The following PALMD variants were observed in gnomAD, a reference collection of about 807,000 sequenced individuals.
The protein encoded by PALMD is palmdelphin.
PALMD carries 42 observed loss-of-function variants against 56.2 expected under a neutral mutation model. That is an observed-to-expected ratio of 0.75 (90% CI 0.58 to 0.97). The LOEUF (loss-of-function observed/expected upper bound fraction) is 0.97, where lower values mean the gene tolerates loss of function less well. PALMD is among the 50% of genes least tolerant of loss of function. The pLI is 0.00. For synonymous variants in PALMD, 242 were observed against 222.9 expected (o/e 1.09, Z -0.76); for missense variants, 660 against 643.8 (o/e 1.03, Z -0.27).
intron 3 of PALMD, 182 bp downstream of exon 3, chr1:99,667,948 G>A (rs746623013): frequency 4.8e-5 from 26 of 539,588 alleles, no homozygotes; most frequent in East Asian, 3.1e-4. Flanking sequence ...ACATGATCTC[G>A]GCTCACGGCA....
intron 3 of PALMD, among the ~76,000 whole-genome samples, chr1:99,673,795 A>G (rs1411480615): frequency 6.6e-6 from 1 of 152,208 alleles, no homozygotes; most frequent in Non-Finnish European, 1.5e-5. Flanking sequence ...AAACACACAC[A>G]TACAAGCCCC....
At chr1:99,679,511 G>T (rs1653291530) in intron 3 of PALMD, among the ~76,000 whole-genome samples, 1 of 152,128 alleles carries the variant, frequency 6.6e-6, no homozygotes, top group South Asian at 2.1e-4. Flanking sequence ...AACCCACTGA[G>T]CAGAAAAATC....
chr1:99,687,094 A>G lies in PALMD; in HGVS notation c.419A>G (p.Tyr140Cys), dbSNP rs755257397. ...ERAEESIEDI[Y>C]ANIPDLPKSY... ...TTTACAGAGTCAATTGAGGACATCT[A>G]TGCTAATATCCCTGACCTTCCAAAG... is the stretch of plus-strand genomic sequence containing the variant. Residue 140 changes from tyrosine to cysteine, a missense_variant, in exon 6 of 8, where the codon TAT (tyrosine) becomes TGT (cysteine). Transcript: ENST00000263174. 1.9e-6 allele frequency: 3 copies of G among 1,597,524 alleles called. No individual in the cohort carries two copies. Among genetic ancestry groups the G allele is most frequent in the Non-Finnish European group, 2.6e-6 (3 of 1,166,706 alleles).
intron 1 of PALMD, among the ~76,000 whole-genome samples, chr1:99,661,511 C>A (rs1557668556): frequency 6.6e-6 from 1 of 152,126 alleles, no homozygotes; most frequent in African/African-American, 2.4e-5. Context: ...GAAGTAGGTG[C>A]TCTCAGTATC....
At chr1:99,688,437 C>A (rs1653563318) in intron 6 of PALMD, among the ~76,000 whole-genome samples, 2 of 151,974 alleles carry the variant, frequency 1.3e-5, no homozygotes, top group South Asian at 4.1e-4. Context: ...GTATATCCAT[C>A]TTGCTGAATT....
chr1:99,672,334 C>T (rs1236079279), intron 3 of PALMD, among the ~76,000 whole-genome samples: 3 of 152,156 alleles, frequency 2.0e-5, no homozygotes, highest in Non-Finnish European at 2.9e-5. Context: ...TTCTGAATCA[C>T]TTTGCTTAAA....
At position 99,689,297 on chromosome 1, in the gene PALMD, G is replaced by A. The variant is rs751163975; in HGVS notation, c.1037G>A (p.Arg346Lys). The A allele has an allele frequency of 2.5e-6, 4 of 1,613,432 alleles. No homozygotes were observed. In the African/African-American group the frequency reaches 4.0e-5, roughly 16 times the overall value. Reference sequence around the variant, plus strand: ...GAGAAGCTTCACACCCCGCAAAAAAGGCTAATGACTCCTTGGGAAGAATCG... The same window carrying A: ...GAGAAGCTTCACACCCCGCAAAAAAAGCTAATGACTCCTTGGGAAGAATCG... The part of the protein sequence containing the change: ...AEEKLHTPQK[R>K]LMTPWEESNV... The change falls in exon 7 of 8, where the codon AGG (arginine) becomes AAG (lysine). Residue 346 changes from arginine (R) to lysine (K), a missense_variant. Physicochemically the swap from Arg to Lys is conservative, Grantham distance 26. Coordinates refer to ENST00000263174, the MANE Select transcript of PALMD (RefSeq NM_017734.5).
intron 1 of PALMD, among the ~76,000 whole-genome samples, chr1:99,652,575 G>C (rs1652611711): frequency 6.6e-6 from 1 of 151,218 alleles, no homozygotes; most frequent in Non-Finnish European, 1.5e-5. Context: ...CTGCACTCCA[G>C]CCTGGGTAAC....
chr1:99,689,617 G>C lies in PALMD; in HGVS notation c.1357G>C (p.Glu453Gln). 1 of 1,613,808 alleles carries C rather than the reference G, an allele frequency of 6.2e-7. No individual in the cohort carries two copies. Among genetic ancestry groups the C allele is most frequent in the Non-Finnish European group, 8.5e-7 (1 of 1,179,862 alleles). ...GGTTGTGATTGATGATGAGGAGGAG[G>C]AGGATGAAGGAGAAGCAGAGAAACC... The part of the protein sequence containing the change: ...ELVVIDDEEE[E>Q]DEGEAEKPSY... Residue 453 changes from glutamate (E) to glutamine (Q), a missense_variant, in exon 7 of 8, where the codon GAG (glutamate) becomes CAG (glutamine). By Grantham distance (29) the Glu-to-Gln change is conservative. Transcript: ENST00000263174.
rs1053595084 is a variant in PALMD at position 99,694,168 on chromosome 1, T to C, written c.*106T>C. 9.5e-6 allele frequency: 7 copies of C among 737,548 alleles called. No individual in the cohort carries two copies. The African/African-American group carries it at 1.2e-4, about 13-fold the overall frequency. The allele number at this position is 737,548 out of a possible 1,614,324, so 45.7% of individuals were successfully genotyped here. On this transcript the variant is annotated 3_prime_UTR_variant, in exon 8 of 8. Transcript: ENST00000263174. ...ATTTTTTCTGAAGTCCAAAAAATTA[T>C]CATTACAGTGTACCATATTAAGCCA... is the stretch of plus-strand genomic sequence containing the variant.
intron 3 of PALMD, among the ~76,000 whole-genome samples, chr1:99,670,202 A>G (rs1653052053): frequency 6.6e-6 from 1 of 152,128 alleles, no homozygotes; most frequent in Non-Finnish European, 1.5e-5. Flanking sequence ...ATGTTTGTTC[A>G]TTACCCAATT....
chr1:99,656,771 G>C (rs1432387459), intron 1 of PALMD, among the ~76,000 whole-genome samples: 3 of 152,096 alleles, frequency 2.0e-5, no homozygotes, highest in African/African-American at 7.2e-5. Flanking sequence ...CTTCTTACTA[G>C]TCTTGGCCCT....
At chr1:99,660,037 T>C (rs1156311963) in intron 1 of PALMD, among the ~76,000 whole-genome samples, 1 of 152,158 alleles carries the variant, frequency 6.6e-6, no homozygotes, top group Non-Finnish European at 1.5e-5. Context: ...TGGGGAGGCA[T>C]TGCTGGGTTC....
At chr1:99,649,115 T>C (rs531539651) in intron 1 of PALMD, among the ~76,000 whole-genome samples, 1 of 152,296 alleles carries the variant, frequency 6.6e-6, no homozygotes, top group East Asian at 1.9e-4. Context: ...TCAGTTTGGG[T>C]ATACCAAATA....
At position 99,667,705 on chromosome 1, in the gene PALMD, A is replaced by G; in HGVS notation, c.190A>G (p.Met64Val). ...CAGCAGCGGAAAAGAACAGGAAGAG[A>G]TGAAGAAGCAAAATCAACAAGACCA... ...GISSGKEQEE[M>V]KKQNQQDQHQ... The change falls in exon 3 of 8, where the codon ATG becomes GTG. Residue 64 changes from methionine (M) to valine (V), a missense_variant. Met to Val is a conservative substitution (Grantham distance 21). Coordinates refer to ENST00000263174, the MANE Select transcript of PALMD (RefSeq NM_017734.5). 3 of 1,613,556 alleles carry G rather than the reference A, an allele frequency of 1.9e-6. No individual in the cohort carries two copies. Among genetic ancestry groups the G allele is most frequent in the Non-Finnish European group, 2.5e-6 (3 of 1,179,602 alleles).
intron 6 of PALMD, 46 bp from the exon 7 acceptor site, chr1:99,688,729 A>G: frequency 1.5e-6 from 2 of 1,350,652 alleles, no homozygotes; most frequent in Non-Finnish European, 2.0e-6. Context: ...GTTAGTTTAC[A>G]AAAGAAAAGT....
At chr1:99,657,268 G>A (rs1028267382) in intron 1 of PALMD, among the ~76,000 whole-genome samples, 5 of 152,122 alleles carry the variant, frequency 3.3e-5, no homozygotes, top group Non-Finnish European at 7.3e-5. Flanking sequence ...CAAACTTGGC[G>A]AATCCATCAT....
At chr1:99,683,088 G>GAGAA (rs1217087610) in intron 3 of PALMD, among the ~76,000 whole-genome samples, 8 of 27,206 alleles carry the variant, frequency 2.9e-4, no homozygotes, top group Admixed American at 3.8e-4. Flanking sequence ...GAGAGAGAGA[G>GAGAA]AGAAAGAAAG....
intron 6 of PALMD, among the ~76,000 whole-genome samples, chr1:99,687,585 A>G (rs7516199): frequency 0.08 from 12,179 of 152,238 alleles, 1,036 homozygotes; most frequent in African/African-American, 0.22. Context: ...CTCCATGGGA[A>G]ATTGAGTTAC....
Sources: gnomAD v4.1 joint callset for allele counts (sites outside exome capture counted in the v4.1 genomes callset) on GRCh38, gnomAD v4.1.1 for gene constraint, MANE v1.5 for transcripts, NCBI Gene and HGNC (gene_info 2026-07-23, HGNC 2026-07-21) for gene names.